PDZD2: variants seen among roughly 807,000 people sequenced by gnomAD.
The protein encoded by PDZD2 is PDZ domain containing 2.
A neutral mutation model predicts 220.7 loss-of-function variants in PDZD2; 90 were observed. That is an observed-to-expected ratio of 0.41 (90% CI 0.34 to 0.49). The LOEUF is 0.49. Ranked by LOEUF, PDZD2 falls within the 20% of genes least tolerant of loss-of-function variation. The probability of loss-of-function intolerance (pLI) is 0.28; values close to 1 mark genes in which losing one functional copy is unlikely to be tolerated. For synonymous variants in PDZD2, 1,375 were observed against 1,450.5 expected, an observed-to-expected ratio of 0.95 and a Z score of 1.18; for missense variants, 3,174 against 3,608.5, an observed-to-expected ratio of 0.88 and a Z score of 3.08.
chr5:31,988,874 C>G (rs1237312428), intron 3 of PDZD2, among the ~76,000 whole-genome samples: 1 of 152,284 alleles, frequency 6.6e-6, no homozygotes, highest in African/African-American at 2.4e-5. Context: ...CCTCAAGACA[C>G]CCTCCTGTAG....
At chr5:31,820,369 A>C (rs1755763821) in intron 2 of PDZD2, among the ~76,000 whole-genome samples, 2 of 151,166 alleles carry the variant, frequency 1.3e-5, no homozygotes, top group African/African-American at 4.9e-5. Context: ...TTTTTACATA[A>C]AAGTGGAACC....
At chr5:31,996,203 C>T (rs1000600954) in intron 4 of PDZD2, among the ~76,000 whole-genome samples, 1 of 152,176 alleles carries the variant, frequency 6.6e-6, no homozygotes, top group Non-Finnish European at 1.5e-5. Flanking sequence ...ATATATGTAT[C>T]TCTGTCGTGC....
intron 2 of PDZD2, among the ~76,000 whole-genome samples, chr5:31,964,866 C>T (rs1243974947): frequency 6.6e-6 from 1 of 152,192 alleles, no homozygotes; most frequent in African/African-American, 2.4e-5. Flanking sequence ...CAGGCACCCG[C>T]CACCACGCCC....
chr5:31,892,810 GTCC>G (rs3037130), intron 2 of PDZD2, among the ~76,000 whole-genome samples: 79,270 of 149,432 alleles, frequency 0.53, 21,242 homozygotes, highest in East Asian at 0.73. Context: ...GGCTCCAGCA[GTCC>G]TCCTGCCTCG....
intron 1 of PDZD2, chr5:31,744,208 C>A (rs1298745529): frequency 6.6e-6 from 1 of 152,124 alleles, no homozygotes; most frequent in Non-Finnish European, 1.5e-5. Context: ...TTGATTTAAC[C>A]CTGCTCTGAT....
At chr5:31,798,212 C>T (rs1754160005) in intron 1 of PDZD2, among the ~76,000 whole-genome samples, 5 of 152,144 alleles carry the variant, frequency 3.3e-5, no homozygotes, top group Admixed American at 3.3e-4. Flanking sequence ...GAGAAACATT[C>T]CTCTGGAGGG....
At chr5:31,881,785 A>T (rs1208004831) in intron 2 of PDZD2, among the ~76,000 whole-genome samples, 1 of 151,516 alleles carries the variant, frequency 6.6e-6, no homozygotes, top group Non-Finnish European at 1.5e-5. Flanking sequence ...GCACGATCTC[A>T]GCTCACTGCA....
chr5:31,872,931 G>A (rs750026395), intron 2 of PDZD2, among the ~76,000 whole-genome samples: 1 of 152,080 alleles, frequency 6.6e-6, no homozygotes, highest in Admixed American at 6.6e-5. Flanking sequence ...GGACTAGTAG[G>A]GGAGATGATT....
At chr5:31,987,471 G>A (rs567152861) in intron 3 of PDZD2, among the ~76,000 whole-genome samples, 8 of 152,244 alleles carry the variant, frequency 5.3e-5, no homozygotes, top group South Asian at 4.1e-4. Flanking sequence ...GAGCCCTCAC[G>A]TTTGCATCAG....
chr5:31,829,689 C>T (rs190320599), intron 2 of PDZD2, among the ~76,000 whole-genome samples: 95 of 152,246 alleles, frequency 6.2e-4, no homozygotes, highest in African/African-American at 2.1e-3. Flanking sequence ...TCAGAGCCCT[C>T]CTTCTTACCT....
At chr5:32,050,230 C>T (rs1738395298) in intron 8 of PDZD2, among the ~76,000 whole-genome samples, 1 of 152,198 alleles carries the variant, frequency 6.6e-6, no homozygotes, top group African/African-American at 2.4e-5. Flanking sequence ...CGTGCCCGGC[C>T]TTGTCAGGCT....
chr5:31,788,188 T>A (rs1753488568), intron 1 of PDZD2, among the ~76,000 whole-genome samples: 1 of 149,250 alleles, frequency 6.7e-6, no homozygotes, highest in African/African-American at 2.5e-5. Context: ...CCGGCCAATA[T>A]GGTGAAACCC....
intron 1 of PDZD2, among the ~76,000 whole-genome samples, chr5:31,783,585 G>C (rs1306017470): frequency 6.6e-6 from 1 of 152,184 alleles, no homozygotes; most frequent in Non-Finnish European, 1.5e-5. Flanking sequence ...CGTCCAACCA[G>C]GGTGCTTAAA....
At chr5:31,732,440 C>T (rs899992424) in intron 1 of PDZD2, among the ~76,000 whole-genome samples, 3 of 152,138 alleles carry the variant, frequency 2.0e-5, no homozygotes, top group African/African-American at 7.2e-5. Flanking sequence ...ATGCAAAGAC[C>T]GGCACAGGGA....
chr5:31,917,039 G>C (rs1743750571), intron 2 of PDZD2, among the ~76,000 whole-genome samples: 1 of 152,158 alleles, frequency 6.6e-6, no homozygotes, highest in African/African-American at 2.4e-5. Context: ...AACAAGGGTG[G>C]GGACACAGTA....
intron 6 of PDZD2, 125 bp downstream of exon 6, chr5:32,010,607 G>T (rs1753216589): frequency 1.3e-6 from 1 of 755,962 alleles, no homozygotes. Context: ...AGACACCAGT[G>T]CATTCTTTCT....
chr5:31,730,384 G>A (rs115597118), intron 1 of PDZD2, among the ~76,000 whole-genome samples: 3 of 152,102 alleles, frequency 2.0e-5, no homozygotes, highest in African/African-American at 4.8e-5. Context: ...ATTTCCACAG[G>A]ACCTAACTGT....
At chr5:31,896,376 G>A (rs1741574282) in intron 2 of PDZD2, among the ~76,000 whole-genome samples, 1 of 150,268 alleles carries the variant, frequency 6.7e-6, no homozygotes, top group South Asian at 2.1e-4. Flanking sequence ...GTATGTGTGT[G>A]TGTGAAATAT....
intron 2 of PDZD2, among the ~76,000 whole-genome samples, chr5:31,912,152 AAC>A (rs1379030908): frequency 1.2e-4 from 19 of 152,296 alleles, no homozygotes; most frequent in Non-Finnish European, 1.9e-4. Context: ...GCTTATAAGT[AAC>A]AAACTTATTT....
Sources: gnomAD v4.1 joint callset for allele counts (sites outside exome capture counted in the v4.1 genomes callset) on GRCh38, gnomAD v4.1.1 for gene constraint, MANE v1.5 for transcripts, NCBI Gene and HGNC (gene_info 2026-07-23, HGNC 2026-07-21) for gene names.